The following SPAG1 variants were observed in gnomAD, a reference collection of about 807,000 sequenced individuals.
SPAG1 encodes sperm associated antigen 1, also known as sperm-associated antigen 1.
Under a neutral mutation model 100.5 loss-of-function variants are expected in SPAG1, and 69 were observed. That is an observed-to-expected ratio of 0.69 (90% CI 0.57 to 0.84). SPAG1 has a LOEUF of 0.84. Ranked by LOEUF, SPAG1 falls within the 40% of genes least tolerant of loss-of-function variation. SPAG1 has a pLI of 0.00. For missense variants in SPAG1, 955 were observed against 1,133.1 expected (o/e 0.84, Z 2.26); for synonymous variants, 336 against 411.6 (o/e 0.82, Z 2.22).
At chr8:100,211,004 T>C (rs1428480390) in intron 10 of SPAG1, among the ~76,000 whole-genome samples, 3 of 151,996 alleles carry the variant, frequency 2.0e-5, no homozygotes, top group Non-Finnish European at 2.9e-5. Context: ...AATTTTTGTA[T>C]TTTTAGTAGA....
At chr8:100,181,830 T>C (rs1246452575) in intron 4 of SPAG1, among the ~76,000 whole-genome samples, 1 of 152,232 alleles carries the variant, frequency 6.6e-6, no homozygotes, top group African/African-American at 2.4e-5. Flanking sequence ...AAGGTCTCAT[T>C]CACAGGTACC....
intron 10 of SPAG1, among the ~76,000 whole-genome samples, chr8:100,196,707 T>C (rs1817046124): frequency 6.6e-6 from 1 of 152,138 alleles, no homozygotes; most frequent in Admixed American, 6.5e-5. Context: ...TTTATCCAGT[T>C]TTTTTAATGG....
intron 1 of SPAG1, among the ~76,000 whole-genome samples, chr8:100,160,513 G>T (rs1173097810): frequency 6.6e-6 from 1 of 151,816 alleles, no homozygotes; most frequent in African/African-American, 2.4e-5. Context: ...TGTAATCCCA[G>T]CTACTCAAGA....
intron 11 of SPAG1, 123 bp from the exon 12 acceptor site, chr8:100,213,696 C>G (rs1322740092): frequency 6.2e-6 from 4 of 642,094 alleles, no homozygotes; most frequent in Non-Finnish European, 8.0e-6. Context: ...CCGTGGAGTT[C>G]TGCATGATCA....
At position 100,191,462 on chromosome 8, in the gene SPAG1, T is replaced by TTG; in HGVS notation, c.905_906insTG (p.Leu303AspfsTer2). ...GAAGCTACAGAAGATTTGAGTAAAGTACTAGATGTTGAGCCTGATAATGAT... is the reference window on the plus strand; with the variant it reads ...GAAGCTACAGAAGATTTGAGTAAAGTTGACTAGATGTTGAGCCTGATAATGAT... On this transcript the variant is annotated frameshift_variant, in exon 9 of 19. Transcript: ENST00000388798. LOFTEE classifies it high-confidence loss of function. The TTG allele has an allele frequency of 6.2e-7, 1 of 1,613,702 alleles. No homozygotes were observed. The highest frequency in any genetic ancestry group is 8.5e-7 in the Non-Finnish European group (1 of 1,179,624).
chr8:100,169,340 GC>G (rs1205060995), intron 3 of SPAG1, among the ~76,000 whole-genome samples: 1 of 152,146 alleles, frequency 6.6e-6, no homozygotes, highest in African/African-American at 2.4e-5. Flanking sequence ...GATCACTTGA[GC>G]CCAGGAGTTT....
intron 15 of SPAG1, 159 bp from the exon 16 acceptor site, chr8:100,233,252 C>A (rs1048545311): frequency 1.4e-6 from 1 of 727,956 alleles, no homozygotes; most frequent in Admixed American, 2.4e-5. Flanking sequence ...GGTTGTATGC[C>A]CAGTGCCATA....
intron 10 of SPAG1, among the ~76,000 whole-genome samples, chr8:100,210,006 G>T (rs1348174266): frequency 6.6e-6 from 1 of 151,834 alleles, no homozygotes. Context: ...GTGCCTAATT[G>T]ATCAGTCTAC....
chr8:100,210,028 C>T (rs1020815614), intron 10 of SPAG1, among the ~76,000 whole-genome samples: 7 of 151,986 alleles, frequency 4.6e-5, no homozygotes, highest in African/African-American at 1.7e-4. Context: ...ACTTTTAGTA[C>T]AGTGTTGAAT....
At position 100,184,002 on chromosome 8, in the gene SPAG1, GA is replaced by G; in HGVS notation, c.539del (p.Lys180ArgfsTer3). ...ECLKIDEDYK[E>X]KTVIDKSHLS... Reference sequence around the variant, plus strand: ...TTTAAAAATTGATGAAGATTACAAAGAAAAGACGGTAATAGACAAGTCACAC... The same window carrying G: ...TTTAAAAATTGATGAAGATTACAAAGAAAGACGGTAATAGACAAGTCACAC... On this transcript the variant is annotated frameshift_variant, in exon 6 of 19. Transcript: ENST00000388798. LOFTEE classifies it high-confidence loss of function. 1.3e-6 allele frequency: 2 copies of G among 1,548,428 alleles called. No individual in the cohort carries two copies. The highest frequency in any genetic ancestry group is 1.7e-6 in the Non-Finnish European group (2 of 1,151,874).
chr8:100,240,518 C>G lies in SPAG1; in HGVS notation c.2396C>G (p.Pro799Arg). The change falls in exon 18 of 19, where the codon CCG becomes CGG. Residue 799 changes from proline to arginine, a missense_variant. Pro to Arg is a moderately radical substitution (Grantham distance 103, BLOSUM62 -2). Coordinates refer to ENST00000388798, the MANE Select transcript of SPAG1 (RefSeq NM_003114.5). ...SRSPEDPEKL[P>R]IAKPNNAYEF... is the part of the protein sequence containing the mutation. ...TCACCAGAAGACCCTGAGAAACTTC[C>G]GATAGCCAAGCCTAATAATGCCTAT... 1 of 1,614,110 alleles carries G rather than the reference C, an allele frequency of 6.2e-7. No homozygotes were observed. Among genetic ancestry groups the G allele is most frequent in the South Asian group, 1.1e-5 (1 of 91,080 alleles).
In SPAG1 at chr8:100,168,687, C is replaced by CTTTTT. The variant is rs747506730; in HGVS notation, c.300+2721_300+2725dup. Among the ~76,000 whole-genome samples the CTTTTT allele has an allele frequency of 7.4e-4, 71 of 95,618 alleles. 6 individuals carry two copies. Among genetic ancestry groups the CTTTTT allele is most frequent in the African/African-American group, 1.1e-3 (25 of 22,458 alleles). The allele number at this position is 95,618 out of a possible 152,430, so 62.7% of individuals were successfully genotyped here. Reference sequence around the variant, plus strand: ...AGCATGAGCCACCATGCCCAGCCATCTTTTTTTTTTTGTTGTTGAGACAGA... The same window carrying CTTTTT: ...AGCATGAGCCACCATGCCCAGCCATCTTTTTTTTTTTTTTTTGTTGTTGAGACAGA... On this transcript the variant is annotated intron_variant, in intron 3 of 18. Coordinates refer to ENST00000388798, the MANE Select transcript of SPAG1 (RefSeq NM_003114.5).
At chr8:100,222,820 C>A (rs1259822311) in intron 13 of SPAG1, among the ~76,000 whole-genome samples, 1 of 152,148 alleles carries the variant, frequency 6.6e-6, no homozygotes, top group Non-Finnish European at 1.5e-5. Context: ...AATGCAGTGG[C>A]ATTTTGTACA....
intron 12 of SPAG1, among the ~76,000 whole-genome samples, chr8:100,219,050 C>T (rs530537727): frequency 1.3e-5 from 2 of 152,286 alleles, no homozygotes; most frequent in East Asian, 1.9e-4. Flanking sequence ...GCATGTCACT[C>T]CTCATGTTTC....
At chr8:100,232,356 T>C (rs1329220634) in intron 15 of SPAG1, among the ~76,000 whole-genome samples, 4 of 152,132 alleles carry the variant, frequency 2.6e-5, no homozygotes, top group Admixed American at 6.5e-5. Context: ...CTAGATCCTT[T>C]TTCCTTTCTA....
rs751958843 is a variant in SPAG1 at position 100,183,849 on chromosome 8, GAATAT to G, written c.489-106_489-102del. ...AACTATTAACTTACTACATATTTTT[GAATAT>G]GTATCCAAAGGCATACTTGTACAAA... On this transcript the variant is annotated intron_variant, in intron 5 of 18. Transcript: ENST00000388798. The G allele has an allele frequency of 0.027, 15,737 of 590,446 alleles. 445 individuals carry two copies. The highest frequency in any genetic ancestry group is 0.025 in the Non-Finnish European group (8,504 of 335,280). The allele number at this position is 590,446 out of a possible 1,614,324, so 36.6% of individuals were successfully genotyped here. A position where few individuals can be genotyped will look rare whatever the true frequency, so the allele number is the denominator to read the frequency against.
rs761225786 is a variant in SPAG1, at chr8:100,213,845, A to G, written c.1462A>G (p.Ile488Val). 1.3e-6 allele frequency: 2 copies of G among 1,599,430 alleles called. No individual in the cohort carries two copies. The highest frequency in any genetic ancestry group is 8.6e-7 in the Non-Finnish European group (1 of 1,168,576). The change falls in exon 12 of 19, where the codon ATC becomes GTC. Residue 488 changes from isoleucine to valine, a missense_variant. Transcript: ENST00000388798. ...AGSEIADDLS[I>V]LYSNRAACYL... The stretch of plus-strand genomic sequence containing the variant: ...AAGTGAAATTGCAGATGATCTAAGT[A>G]TCTTATATTCAAATAGAGCAGCATG...
intron 2 of SPAG1, among the ~76,000 whole-genome samples, chr8:100,163,612 A>G (rs1397186349): frequency 2.0e-5 from 3 of 151,948 alleles, no homozygotes; most frequent in East Asian, 1.9e-4. Context: ...TAGAATTCCT[A>G]TTACCCTGTG....
At chr8:100,240,175 TTTG>T (rs1339714702) in intron 17 of SPAG1, among the ~76,000 whole-genome samples, 1 of 152,202 alleles carries the variant, frequency 6.6e-6, no homozygotes, top group African/African-American at 2.4e-5. Context: ...AAAATTAAAT[TTTG>T]TTGTCATAGT....
Sources: gnomAD v4.1 joint callset for allele counts (sites outside exome capture counted in the v4.1 genomes callset) on GRCh38, gnomAD v4.1.1 for gene constraint, MANE v1.5 for transcripts, NCBI Gene and HGNC (gene_info 2026-07-23, HGNC 2026-07-21) for gene names.